GIGYF2: variants seen among roughly 807,000 people sequenced by gnomAD.
GIGYF2 encodes GRB10-interacting GYF protein 2.
Under a neutral mutation model 208.1 loss-of-function variants are expected in GIGYF2, and 25 were observed. That is an observed-to-expected ratio of 0.12 (90% CI 0.09 to 0.17). The LOEUF (loss-of-function observed/expected upper bound fraction) is 0.17, where lower values mean the gene tolerates loss of function less well. Among genes scored for constraint, GIGYF2 ranks in the 10% least tolerant of loss-of-function variants. The probability of loss-of-function intolerance (pLI) is 1.00; values close to 1 mark genes in which losing one functional copy is unlikely to be tolerated. For missense variants in GIGYF2, 1,302 were observed against 1,579.4 expected, an observed-to-expected ratio of 0.82 and a Z score of 2.98; for synonymous variants, 534 against 543.8, an observed-to-expected ratio of 0.98 and a Z score of 0.25.
chr2:232,712,182 G>C (rs900083354), intron 2 of GIGYF2, among the ~76,000 whole-genome samples: 5 of 151,902 alleles, frequency 3.3e-5, no homozygotes, highest in Non-Finnish European at 7.4e-5. Context: ...GAAAAAAAAA[G>C]TCTGCTACAT....
At chr2:232,797,489 TTGTGTGTG>T (rs67221198) in intron 14 of GIGYF2, among the ~76,000 whole-genome samples, 10,065 of 145,038 alleles carry the variant, frequency 0.069, 451 homozygotes, top group East Asian at 0.16. Context: ...AGAGCAGGGC[TTGTGTGTG>T]TGTGTGTGTG....
chr2:232,712,191 A>G (rs1325986500), intron 2 of GIGYF2, among the ~76,000 whole-genome samples: 1 of 152,246 alleles, frequency 6.6e-6, no homozygotes, highest in Non-Finnish European at 1.5e-5. Flanking sequence ...AGTCTGCTAC[A>G]TATCCTAGTC....
At chr2:232,711,129 T>C (rs1696375324) in intron 2 of GIGYF2, among the ~76,000 whole-genome samples, 1 of 151,492 alleles carries the variant, frequency 6.6e-6, no homozygotes. Context: ...AAAGACAGTG[T>C]CTTGGTCAGT....
intron 3 of GIGYF2, among the ~76,000 whole-genome samples, chr2:232,741,381 C>A (rs113538030): frequency 1.3e-5 from 2 of 152,004 alleles, no homozygotes; most frequent in African/African-American, 4.8e-5. Flanking sequence ...AAAGTTGCCA[C>A]CATTTCTAAC....
intron 23 of GIGYF2, among the ~76,000 whole-genome samples, chr2:232,843,416 G>C (rs556562880): frequency 2.6e-5 from 4 of 151,896 alleles, no homozygotes. Context: ...AAATTAGCCA[G>C]GCGTGGTGTG....
At position 232,844,899 on chromosome 2, in the gene GIGYF2, T is replaced by G. The variant is rs112506226; in HGVS notation, c.3305+325T>G. Among the ~76,000 whole-genome samples the G allele has an allele frequency of 1.5e-4, 23 of 152,356 alleles. 1 individual carries two copies. Among genetic ancestry groups the G allele is most frequent in the African/African-American group, 5.5e-4 (23 of 41,582 alleles). Reference sequence around the variant, plus strand: ...GGTATTCTCTAGATACCTTAGCATTTTTCCTATATTTGTATTTTTAAGTAA... The same window carrying G: ...GGTATTCTCTAGATACCTTAGCATTGTTCCTATATTTGTATTTTTAAGTAA... On this transcript the variant is annotated intron_variant, in intron 25 of 28. Coordinates refer to ENST00000373563, the MANE Select transcript of GIGYF2 (RefSeq NM_001103146.3).
At chr2:232,731,439 G>A (rs1697491707) in intron 2 of GIGYF2, among the ~76,000 whole-genome samples, 1 of 152,178 alleles carries the variant, frequency 6.6e-6, no homozygotes, top group Admixed American at 6.6e-5. Context: ...ACGGGTTTGA[G>A]TTTAAAACAT....
At chr2:232,704,983 C>T (rs1479037080) in intron 2 of GIGYF2, among the ~76,000 whole-genome samples, 5 of 151,448 alleles carry the variant, frequency 3.3e-5, no homozygotes, top group African/African-American at 1.2e-4. Flanking sequence ...CCTCAGCCTC[C>T]CAAGTAGCTG....
rs774560951 is a variant in GIGYF2 at position 232,856,845 on chromosome 2, G to T, written c.3885G>T (p.Thr1295=). ...GACTCAACATGGGTGAAATCGAGACGTTGGATGACTACTGAGCACCTGCCA... is the reference window on the plus strand; with the variant it reads ...GACTCAACATGGGTGAAATCGAGACTTTGGATGACTACTGAGCACCTGCCA... The part of the protein sequence containing the change: ...SERLNMGEIE[T]LDDY Residue 1295 remains threonine, a synonymous_variant, in exon 29 of 29, where the codon ACG becomes ACT. Coordinates refer to ENST00000373563, the MANE Select transcript of GIGYF2 (RefSeq NM_001103146.3). 2.9e-5 allele frequency: 46 copies of T among 1,610,970 alleles called. No individual in the cohort carries two copies. Among genetic ancestry groups the T allele is most frequent in the Non-Finnish European group, 3.9e-5 (46 of 1,177,262 alleles).
chr2:232,740,246 T>C (rs922233121), intron 3 of GIGYF2, among the ~76,000 whole-genome samples: 2 of 152,160 alleles, frequency 1.3e-5, no homozygotes, highest in African/African-American at 4.8e-5. Flanking sequence ...TGCTCGGGCC[T>C]AGGCATTTGA....
Position 232,791,258 on chromosome 2 carries a change from A to G in GIGYF2, c.1094A>G (p.Glu365Gly). The part of the protein sequence containing the change: ...EGEKTDRVGV[E>G]ASEETPQTSS... The stretch of plus-strand genomic sequence containing the variant: ...CAACTAAGATTACTTCGTGTTCCAG[A>G]AGCTAGTGAGGAAACTCCCCAGACC... The change falls in exon 12 of 29, where the codon GAA becomes GGA. Residue 365 changes from glutamate to glycine, a missense_variant and splice_region_variant. Around this residue, in one of 8 missense-constraint regions of GIGYF2, gnomAD observed 235 missense variants for 218.8 expected, o/e 1.07. Coordinates refer to ENST00000373563, the MANE Select transcript of GIGYF2 (RefSeq NM_001103146.3). 6.2e-7 allele frequency: 1 copy of G among 1,614,020 alleles called. No individual in the cohort carries two copies. Among genetic ancestry groups the G allele is most frequent in the Non-Finnish European group, 8.5e-7 (1 of 1,179,944 alleles).
chr2:232,708,919 A>G (rs13424351), intron 2 of GIGYF2, among the ~76,000 whole-genome samples: 56,649 of 150,850 alleles, frequency 0.38, 10,942 homozygotes, highest in South Asian at 0.63. Flanking sequence ...GTCAAGAGTC[A>G]GGACCAGCCT....
intron 16 of GIGYF2, 149 bp from the exon 17 acceptor site, chr2:232,811,095 A>G: frequency 3.2e-6 from 2 of 623,592 alleles, no homozygotes; most frequent in South Asian, 1.8e-5. Flanking sequence ...TGTGTCTATT[A>G]TCATAATGAA....
intron 2 of GIGYF2, among the ~76,000 whole-genome samples, chr2:232,720,120 G>T (rs1696869747): frequency 1.3e-5 from 2 of 152,146 alleles, no homozygotes; most frequent in African/African-American, 4.8e-5. Context: ...ACAGGCCCCA[G>T]TGTGTGATGT....
intron 2 of GIGYF2, among the ~76,000 whole-genome samples, chr2:232,709,431 C>A (rs1030302970): frequency 8.5e-5 from 13 of 152,190 alleles, no homozygotes; most frequent in Middle Eastern, 3.2e-3. Context: ...TAAAGTGATT[C>A]TCGGGCTTCA....
In GIGYF2 at chr2:232,857,115, A is replaced by G; in HGVS notation, c.*255A>G. 9 of 557,702 alleles carry G rather than the reference A, an allele frequency of 1.6e-5. No homozygotes were observed. 34.5% of individuals were successfully genotyped at this position (557,702 alleles called of 1,614,324 possible). A position where few individuals can be genotyped will look rare whatever the true frequency, so the allele number is the denominator to read the frequency against. On this transcript the variant is annotated 3_prime_UTR_variant, in exon 29 of 29. Transcript: ENST00000373563. ...TGGCAGTTGGGATTACTCCCCAACA[A>G]GGCTGATTTTAGGCAGCATGTGTTC...
intron 2 of GIGYF2, among the ~76,000 whole-genome samples, chr2:232,731,908 G>T (rs1410281510): frequency 6.6e-6 from 1 of 151,910 alleles, no homozygotes; most frequent in African/African-American, 2.4e-5. Context: ...AACTTATTTA[G>T]CAAATAAGAA....
chr2:232,840,445 G>A (rs1175548148), intron 23 of GIGYF2, among the ~76,000 whole-genome samples: 1 of 152,154 alleles, frequency 6.6e-6, no homozygotes, highest in Non-Finnish European at 1.5e-5. Context: ...GAGTATAAAA[G>A]GGAAGGGGAA....
intron 2 of GIGYF2, among the ~76,000 whole-genome samples, chr2:232,718,123 T>C (rs1696776161): frequency 6.6e-6 from 1 of 152,200 alleles, no homozygotes; most frequent in African/African-American, 2.4e-5. Context: ...ATTCTCACTC[T>C]GTTGCCAAGC....
Sources: allele counts gnomAD v4.1 joint callset (sites outside exome capture counted in the v4.1 genomes callset), GRCh38; gene constraint gnomAD v4.1.1; regional missense constraint gnomAD v4.1.1; transcripts MANE v1.5; gene names NCBI Gene and HGNC (gene_info 2026-07-23, HGNC 2026-07-21).